Variants in ITPR2 observed in about 807,000 individuals in gnomAD.
ITPR2 encodes inositol 1,4,5-trisphosphate receptor type 2, also known as inositol 1,4,5-trisphosphate-gated calcium channel ITPR2.
ITPR2 carries 207 observed loss-of-function variants against 317.1 expected under a neutral mutation model. That is an observed-to-expected ratio of 0.65 (90% CI 0.58 to 0.73). ITPR2 has a LOEUF of 0.73. Among genes scored for constraint, ITPR2 ranks in the 30% least tolerant of loss-of-function variants. The pLI is 0.00. For missense variants in ITPR2, 2,613 were observed against 3,284.0 expected (o/e 0.80, Z 4.99); for synonymous variants, 1,156 against 1,149.1 (o/e 1.01, Z -0.12).
At chr12:26,497,850 ACAGGCACAC>A (rs1164911923) in intron 37 of ITPR2, among the ~76,000 whole-genome samples, 1 of 152,020 alleles carries the variant, frequency 6.6e-6, no homozygotes, top group Non-Finnish European at 1.5e-5. Flanking sequence ...AGCTGGGATT[ACAGGCACAC>A]ACCACCACGC....
At chr12:26,707,595 G>C (rs187377573) in intron 9 of ITPR2, among the ~76,000 whole-genome samples, 1 of 152,124 alleles carries the variant, frequency 6.6e-6, no homozygotes, top group East Asian at 1.9e-4. Flanking sequence ...GCAATGGCAC[G>C]ATCTTGGCTC....
chr12:26,443,213 C>T (rs186783430), intron 46 of ITPR2, among the ~76,000 whole-genome samples: 1 of 152,094 alleles, frequency 6.6e-6, no homozygotes, highest in Non-Finnish European at 1.5e-5. Flanking sequence ...AAAAAAGAAA[C>T]CTTTTCCTGA....
rs563311725 is a variant in ITPR2 at position 26,562,063 on chromosome 12, T to C, written c.4631-111A>G. The C allele has an allele frequency of 6.1e-4, 435 of 715,460 alleles. No homozygotes were observed. In the African/African-American group the frequency reaches 7.1e-3, roughly 12 times the overall value. The allele number at this position is 715,460 out of a possible 1,614,324, so 44.3% of individuals were successfully genotyped here. Reference sequence around the variant, plus strand: ...GAAAAAATATTAAATCTTTAAACTCTGCCATTAACTTGTTTTATATAACTG... The same window carrying C: ...GAAAAAATATTAAATCTTTAAACTCCGCCATTAACTTGTTTTATATAACTG... On this transcript the variant is annotated intron_variant, in intron 34 of 56. Coordinates refer to ENST00000381340, the MANE Select transcript of ITPR2 (RefSeq NM_002223.4).
Position 26,439,235 on chromosome 12 carries a change from G to A in ITPR2, c.6535C>T (p.Arg2179Cys), listed in dbSNP as rs1941430236. The A allele has an allele frequency of 1.9e-5, 30 of 1,612,582 alleles. No individual in the cohort carries two copies. Among genetic ancestry groups the A allele is most frequent in the Non-Finnish European group, 2.4e-5 (28 of 1,179,054 alleles). The stretch of plus-strand genomic sequence containing the variant: ...TCCCTTTCAGTTGTATTGAACACAC[G>A]GCACTTGGATTCTCGAGTGAGGTAT... ...CEYLTRESKC[R>C]VFNTTERDEQ... Residue 2179 changes from arginine to cysteine, a missense_variant, in exon 47 of 57, where the codon CGT becomes TGT. By Grantham distance (180) the Arg-to-Cys change is radical. This residue lies in a region of ITPR2 where 926 missense variants were observed against 1,072.8 expected (regional missense o/e 0.86). Coordinates refer to ENST00000381340, the MANE Select transcript of ITPR2 (RefSeq NM_002223.4).
At chr12:26,713,810 A>C (rs963235127) in intron 8 of ITPR2, among the ~76,000 whole-genome samples, 3 of 152,220 alleles carry the variant, frequency 2.0e-5, no homozygotes, top group Non-Finnish European at 2.9e-5. Flanking sequence ...CAAAATATTA[A>C]GAACTTTATG....
rs534967073 is a variant in ITPR2 at position 26,410,265 on chromosome 12, C to T, written c.7399+1055G>A. Among the ~76,000 whole-genome samples, 9 of 152,264 alleles carry T rather than the reference C, an allele frequency of 5.9e-5. No homozygotes were observed. The East Asian group carries it at 1.7e-3, about 29-fold the overall frequency. On this transcript the variant is annotated intron_variant, in intron 52 of 56. Transcript: ENST00000381340. ...TTATTGTGAGCCTTGACTGGGAGAG[C>T]AGGCGGCAGGGGAGAGAAGTGCTGG... is the stretch of plus-strand genomic sequence containing the variant.
intron 2 of ITPR2, among the ~76,000 whole-genome samples, chr12:26,750,141 GA>G (rs1358750742): frequency 6.6e-6 from 1 of 152,178 alleles, no homozygotes; most frequent in East Asian, 1.9e-4. Context: ...TCTCAACTTA[GA>G]AAATATTCAC....
intron 55 of ITPR2, among the ~76,000 whole-genome samples, chr12:26,353,148 C>T (rs909658325): frequency 6.6e-6 from 1 of 152,152 alleles, no homozygotes; most frequent in Admixed American, 6.5e-5. Context: ...ATGCTTCTGA[C>T]CTTAAAAGCC....
chr12:26,372,952 T>C (rs908915427), intron 55 of ITPR2, among the ~76,000 whole-genome samples: 1 of 152,156 alleles, frequency 6.6e-6, no homozygotes, highest in African/African-American at 2.4e-5. Flanking sequence ...TCTGGATCCA[T>C]GTCTTCGAAG....
chr12:26,612,911 T>G (rs1946302203), intron 26 of ITPR2, among the ~76,000 whole-genome samples: 1 of 152,210 alleles, frequency 6.6e-6, no homozygotes, highest in South Asian at 2.1e-4. Flanking sequence ...CTCCCAGTCC[T>G]TCAGAATAGG....
At chr12:26,375,434 A>T (rs1469055824) in intron 55 of ITPR2, among the ~76,000 whole-genome samples, 1 of 152,232 alleles carries the variant, frequency 6.6e-6, no homozygotes, top group Non-Finnish European at 1.5e-5. Flanking sequence ...AATGTAATCA[A>T]TGTCAGATCA....
chr12:26,479,070 A>T (rs1004329209), intron 43 of ITPR2, among the ~76,000 whole-genome samples: 2 of 151,284 alleles, frequency 1.3e-5, no homozygotes, highest in Non-Finnish European at 3.0e-5. Flanking sequence ...TCTTACAAAC[A>T]TTGTTCTTAT....
intron 45 of ITPR2, among the ~76,000 whole-genome samples, chr12:26,461,173 A>G (rs955741212): frequency 6.6e-6 from 1 of 152,144 alleles, no homozygotes; most frequent in Non-Finnish European, 1.5e-5. Context: ...GTCTATGGGT[A>G]TGTGTGTATG....
At chr12:26,547,120 T>A (rs1184207064) in intron 37 of ITPR2, among the ~76,000 whole-genome samples, 3 of 152,116 alleles carry the variant, frequency 2.0e-5, no homozygotes, top group Non-Finnish European at 4.4e-5. Context: ...AGACAACCTG[T>A]TGAATGGGAG....
chr12:26,695,229 A>G (rs1948317749), intron 10 of ITPR2, among the ~76,000 whole-genome samples: 1 of 152,232 alleles, frequency 6.6e-6, no homozygotes, highest in Admixed American at 6.5e-5. Context: ...TTTTGTCTGC[A>G]TCACATCAAA....
At chr12:26,496,873 A>G (rs533360898) in intron 37 of ITPR2, among the ~76,000 whole-genome samples, 103 of 150,302 alleles carry the variant, frequency 6.9e-4, no homozygotes, top group Non-Finnish European at 7.7e-4. Context: ...GAACCCAGGA[A>G]GCGGAGCTTG....
intron 1 of ITPR2, among the ~76,000 whole-genome samples, chr12:26,822,441 G>A (rs184532032): frequency 6.6e-6 from 1 of 152,254 alleles, no homozygotes; most frequent in African/African-American, 2.4e-5. Flanking sequence ...TACCAAGTGG[G>A]AGACTCGTGT....
chr12:26,832,418 G>A (rs911303322), intron 1 of ITPR2, among the ~76,000 whole-genome samples: 2 of 152,266 alleles, frequency 1.3e-5, no homozygotes, highest in African/African-American at 4.8e-5. Context: ...TCTTCGCCGG[G>A]CCCGTCTCCG....
chr12:26,589,421 C>T (rs1229429324), intron 32 of ITPR2, among the ~76,000 whole-genome samples: 1 of 152,016 alleles, frequency 6.6e-6, no homozygotes, highest in Non-Finnish European at 1.5e-5. Flanking sequence ...TCCAGAAACA[C>T]AAGAGAAGAA....
Sources: gnomAD v4.1 joint callset for allele counts (sites outside exome capture counted in the v4.1 genomes callset) on GRCh38, gnomAD v4.1.1 for gene constraint, gnomAD v4.1.1 regional missense constraint, MANE v1.5 for transcripts, NCBI Gene and HGNC (gene_info 2026-07-23, HGNC 2026-07-21) for gene names.